LRFN1: variants seen among roughly 807,000 people sequenced by gnomAD.
LRFN1 encodes the protein leucine-rich repeat and fibronectin type III domain-containing protein 1.
LRFN1 carries 20 observed loss-of-function variants against 31.8 expected under a neutral mutation model. The observed-to-expected ratio is 0.63, with a 90% CI of 0.44 to 0.91. The LOEUF (loss-of-function observed/expected upper bound fraction) is 0.91, where lower values mean the gene tolerates loss of function less well. LRFN1 is among the 40% of genes least tolerant of loss of function. The pLI is 0.00. For synonymous variants in LRFN1, 514 were observed against 541.3 expected (o/e 0.95, Z 0.70); for missense variants, 912 against 1,129.8 (o/e 0.81, Z 2.76).
Position 39,315,398 on chromosome 19 carries a change from C to T in LRFN1, c.-37-25G>A, listed in dbSNP as rs1312599724. ...CCTGCCGGGGAAGGAGCCGGTTACC[C>T]AGGCGTGGGACTTGGCCGCCATGGG... On this transcript the variant is annotated intron_variant, in intron 3 of 4. Coordinates refer to ENST00000248668, the MANE Select transcript of LRFN1 (RefSeq NM_020862.2). This position sits in a 1 kb window ranked among gnomAD's most constrained non-coding sequence, Gnocchi z 4.7. 2.9e-6 allele frequency: 4 copies of T among 1,395,844 alleles called. No individual in the cohort carries two copies. Among genetic ancestry groups the T allele is most frequent in the Non-Finnish European group, 2.8e-6 (3 of 1,064,662 alleles). 86.5% of individuals were successfully genotyped at this position (1,395,844 alleles called of 1,614,324 possible). A position where few individuals can be genotyped will look rare whatever the true frequency, so the allele number is the denominator to read the frequency against.
rs1023240655 is a variant in LRFN1 at position 39,320,863 on chromosome 19, C to A, written c.-196G>T. The A allele has an allele frequency of 6.9e-6, 1 of 145,424 alleles. No individual in the cohort carries two copies. The highest frequency in any genetic ancestry group is 1.5e-5 in the Non-Finnish European group (1 of 65,178). 9.0% of individuals were successfully genotyped at this position (145,424 alleles called of 1,614,324 possible). On this transcript the variant is annotated 5_prime_UTR_variant, in exon 1 of 5. Coordinates refer to ENST00000248668, the MANE Select transcript of LRFN1 (RefSeq NM_020862.2). ...CTCCGCGCCATGGTGGGGGGAGGGCCGGGGGAGGGGGCGCGGTGCCGCGGG... is the reference window on the plus strand; with the variant it reads ...CTCCGCGCCATGGTGGGGGGAGGGCAGGGGGAGGGGGCGCGGTGCCGCGGG...
chr19:39,310,620 C>T (rs1421593197), intron 4 of LRFN1, among the ~76,000 whole-genome samples: 1 of 152,176 alleles, frequency 6.6e-6, no homozygotes, highest in East Asian at 1.9e-4. Flanking sequence ...AGGATGCAAC[C>T]TCACAAGCTC....
At position 39,314,949 on chromosome 19, in the gene LRFN1, C is replaced by G. The variant is rs890451981; in HGVS notation, c.388G>C (p.Gly130Arg). The change falls in exon 4 of 5, where the codon GGC becomes CGC. Residue 130 changes from glycine to arginine, a missense_variant. By Grantham distance (125) the Gly-to-Arg change is moderately radical. Around this residue, in one of 2 missense-constraint regions of LRFN1, gnomAD observed 401 missense variants for 572.7 expected, o/e 0.70. Transcript: ENST00000248668. ...TTGCCCAGGCCGCGGAGCTGGTCGCCGCGCACCTCCGCCAGGCGGTTGCTG... is the reference window on the plus strand; with the variant it reads ...TTGCCCAGGCCGCGGAGCTGGTCGCGGCGCACCTCCGCCAGGCGGTTGCTG... The part of the protein sequence containing the change: ...LDSNRLAEVR[G>R]DQLRGLGNLR... 2 of 1,596,590 alleles carry G rather than the reference C, an allele frequency of 1.3e-6. No individual in the cohort carries two copies. The highest frequency in any genetic ancestry group is 8.5e-7 in the Non-Finnish European group (1 of 1,175,186).
rs1433819395 is a variant in LRFN1, at chr19:39,308,452, G to A, written c.1497C>T (p.Asp499=). 2 of 1,609,748 alleles carry A rather than the reference G, an allele frequency of 1.2e-6. No homozygotes were observed. Among genetic ancestry groups the A allele is most frequent in the Non-Finnish European group, 1.7e-6 (2 of 1,179,602 alleles). Reference sequence around the variant, plus strand: ...GCGTTGCCGGCAGCGCTGTGGCCCCGTCGTCGTAGACCGCCAGCACGCACA... The same window carrying A: ...GCGTTGCCGGCAGCGCTGTGGCCCCATCGTCGTAGACCGCCAGCACGCACA... The part of the protein sequence containing the change: ...YDLCVLAVYD[D]GATALPATRV... The change falls in exon 5 of 5, where the codon GAC becomes GAT. Residue 499 remains aspartate (D), a synonymous_variant. Coordinates refer to ENST00000248668, the MANE Select transcript of LRFN1 (RefSeq NM_020862.2). This position sits in a 1 kb window ranked among gnomAD's most constrained non-coding sequence, Gnocchi z 6.2.
At position 39,308,658 on chromosome 19, in the gene LRFN1, G is replaced by C. The variant is rs1782201140; in HGVS notation, c.1407-116C>G. On this transcript the variant is annotated intron_variant, in intron 4 of 4. Transcript: ENST00000248668. This position sits in a 1 kb window ranked among gnomAD's most constrained non-coding sequence, Gnocchi z 6.2. Reference sequence around the variant, plus strand: ...AAACCCTGCTATCGAAGTCTCAGCCGCTACTGAGACAACAGCAGCAATTCA... The same window carrying C: ...AAACCCTGCTATCGAAGTCTCAGCCCCTACTGAGACAACAGCAGCAATTCA... The C allele has an allele frequency of 4.4e-6, 4 of 915,868 alleles. No individual in the cohort carries two copies. The highest frequency in any genetic ancestry group is 6.4e-6 in the Non-Finnish European group (4 of 625,052). 56.7% of individuals were successfully genotyped at this position (915,868 alleles called of 1,614,324 possible). A position where few individuals can be genotyped will look rare whatever the true frequency, so the allele number is the denominator to read the frequency against.
Position 39,315,824 on chromosome 19 carries a change from A to C in LRFN1, c.-38+258T>G, listed in dbSNP as rs2075170596. Among the ~76,000 whole-genome samples the C allele has an allele frequency of 6.6e-6, 1 of 152,180 alleles. No individual in the cohort carries two copies. Among genetic ancestry groups the C allele is most frequent in the Non-Finnish European group, 1.5e-5 (1 of 68,038 alleles). On this transcript the variant is annotated intron_variant, in intron 3 of 4. Transcript: ENST00000248668. This position sits in a 1 kb window ranked among gnomAD's most constrained non-coding sequence, Gnocchi z 4.7. Reference sequence around the variant, plus strand: ...ACAGAGCAAGACTCCATCTTAAAACATAAATAAAAATAAAAATATCTCTAT... The same window carrying C: ...ACAGAGCAAGACTCCATCTTAAAACCTAAATAAAAATAAAAATATCTCTAT...
At chr19:39,320,006 C>A (rs1163359703) in intron 1 of LRFN1, among the ~76,000 whole-genome samples, 3 of 151,936 alleles carry the variant, frequency 2.0e-5, no homozygotes, top group Non-Finnish European at 4.4e-5. Flanking sequence ...TGGGGAAGGG[C>A]CGGGTCTTCG....
intron 4 of LRFN1, among the ~76,000 whole-genome samples, chr19:39,310,718 C>G (rs563289730): frequency 3.4e-4 from 52 of 152,178 alleles, no homozygotes; most frequent in Non-Finnish European, 5.1e-4. Flanking sequence ...AGCTCCACCC[C>G]CTCTGACAGG....
At chr19:39,318,802 A>G (rs2075179478) in intron 1 of LRFN1, among the ~76,000 whole-genome samples, 1 of 152,218 alleles carries the variant, frequency 6.6e-6, no homozygotes, top group African/African-American at 2.4e-5. Context: ...ATGTGTGTCC[A>G]TGTCAGAACC....
In LRFN1 at chr19:39,313,886, C is replaced by G. The variant is rs539617999; in HGVS notation, c.1406+45G>C. On this transcript the variant is annotated intron_variant, in intron 4 of 4. Transcript: ENST00000248668. ...ATGGGCAGGTGGGAGGGAGGGTCCCCCTGGGCTTGGGAGGAGGCCCTGGGA... is the reference window on the plus strand; with the variant it reads ...ATGGGCAGGTGGGAGGGAGGGTCCCGCTGGGCTTGGGAGGAGGCCCTGGGA... 2.5e-5 allele frequency: 39 copies of G among 1,539,020 alleles called. No individual in the cohort carries two copies. The East Asian group carries it at 8.4e-4, about 33-fold the overall frequency.
chr19:39,307,366 C>G lies in LRFN1; in HGVS notation c.*267G>C. 4.9e-6 allele frequency: 2 copies of G among 405,792 alleles called. No individual in the cohort carries two copies. Among genetic ancestry groups the G allele is most frequent in the Non-Finnish European group, 8.7e-6 (2 of 231,158 alleles). The allele number at this position is 405,792 out of a possible 1,614,324, so 25.1% of individuals were successfully genotyped here. Reference sequence around the variant, plus strand: ...AAGGCACCGGCTCCAGCGAGGTCCGCGAGCGCGCGAGGGGAGGGGTAGGAG... The same window carrying G: ...AAGGCACCGGCTCCAGCGAGGTCCGGGAGCGCGCGAGGGGAGGGGTAGGAG... On this transcript the variant is annotated 3_prime_UTR_variant, in exon 5 of 5. Transcript: ENST00000248668. This position sits in a 1 kb window ranked among gnomAD's most constrained non-coding sequence, Gnocchi z 6.7.
At chr19:39,311,332 C>A (rs762666523) in intron 4 of LRFN1, among the ~76,000 whole-genome samples, 2 of 152,064 alleles carry the variant, frequency 1.3e-5, no homozygotes, top group African/African-American at 2.4e-5. Flanking sequence ...GGGTCTGTTG[C>A]CCAGCTGGGG....
Position 39,315,521 on chromosome 19 carries a change from G to C in LRFN1, c.-37-148C>G. 1 of 556,344 alleles carries C rather than the reference G, an allele frequency of 1.8e-6. No individual in the cohort carries two copies. The highest frequency in any genetic ancestry group is 3.1e-6 in the Non-Finnish European group (1 of 322,502). 34.5% of individuals were successfully genotyped at this position (556,344 alleles called of 1,614,324 possible). On this transcript the variant is annotated intron_variant, in intron 3 of 4. Coordinates refer to ENST00000248668, the MANE Select transcript of LRFN1 (RefSeq NM_020862.2). This position sits in a 1 kb window ranked among gnomAD's most constrained non-coding sequence, Gnocchi z 4.7. ...AAGCCACTATCAGCTATTAACAACA[G>C]ATTACAACACTTCCATGCTGGGCAC...
intron 2 of LRFN1, among the ~76,000 whole-genome samples, chr19:39,316,836 G>C (rs1240782091): frequency 6.6e-6 from 1 of 152,164 alleles, no homozygotes; most frequent in African/African-American, 2.4e-5. Flanking sequence ...GTGGGCGGGG[G>C]GTGAAGAGGA....
chr19:39,308,276 C>A lies in LRFN1; in HGVS notation c.1673G>T (p.Arg558Leu), dbSNP rs919389763. The part of the protein sequence containing the change: ...VLVFIVLLMI[R>L]YKVYGDGDSR... ...GTCCCCGTCGCCATACACCTTATAG[C>A]GGATCATGAGCAGAACGATGAAGAC... Residue 558 changes from arginine to leucine, a missense_variant, in exon 5 of 5, where the codon CGC becomes CTC. Transcript: ENST00000248668. The surrounding 1 kb of genome is among the most constrained non-coding windows in gnomAD (Gnocchi z 6.2). The A allele has an allele frequency of 1.2e-6, 2 of 1,613,306 alleles. No individual in the cohort carries two copies. Among genetic ancestry groups the A allele is most frequent in the Non-Finnish European group, 1.7e-6 (2 of 1,179,662 alleles).
chr19:39,307,030 A>T lies in LRFN1; in HGVS notation c.*603T>A, dbSNP rs2075131029. ...AGGGAGGGCCGAGGGACAAGAGACG[A>T]CAGGACAGAGAGAAAGGAGAGGCAA... is the stretch of plus-strand genomic sequence containing the variant. On this transcript the variant is annotated 3_prime_UTR_variant, in exon 5 of 5. Coordinates refer to ENST00000248668, the MANE Select transcript of LRFN1 (RefSeq NM_020862.2). The surrounding 1 kb of genome is among the most constrained non-coding windows in gnomAD (Gnocchi z 6.7). 2 of 334,174 alleles carry T rather than the reference A, an allele frequency of 6.0e-6. No individual in the cohort carries two copies. Among genetic ancestry groups the T allele is most frequent in the Non-Finnish European group, 1.1e-5 (2 of 185,582 alleles). The allele number at this position is 334,174 out of a possible 1,614,324, so 20.7% of individuals were successfully genotyped here. A position where few individuals can be genotyped will look rare whatever the true frequency, so the allele number is the denominator to read the frequency against.
intron 1 of LRFN1, among the ~76,000 whole-genome samples, chr19:39,318,985 C>G (rs2075180058): frequency 6.6e-6 from 1 of 152,212 alleles, no homozygotes; most frequent in Admixed American, 6.5e-5. Flanking sequence ...GGCCTCAAAC[C>G]CACTGAACCC....
At position 39,307,898 on chromosome 19, in the gene LRFN1, G is replaced by A. The variant is rs1293464017; in HGVS notation, c.2051C>T (p.Pro684Leu). 1.9e-6 allele frequency: 3 copies of A among 1,565,424 alleles called. No individual in the cohort carries two copies. Among genetic ancestry groups the A allele is most frequent in the Non-Finnish European group, 2.6e-6 (3 of 1,162,728 alleles). Residue 684 changes from proline (P) to leucine (L), a missense_variant, in exon 5 of 5, where the codon CCC (proline) becomes CTC (leucine). Pro to Leu is a moderately conservative substitution (Grantham distance 98). This residue lies in a region of LRFN1 where 511 missense variants were observed against 557.0 expected (regional missense o/e 0.92). Coordinates refer to ENST00000248668, the MANE Select transcript of LRFN1 (RefSeq NM_020862.2). This position sits in a 1 kb window ranked among gnomAD's most constrained non-coding sequence, Gnocchi z 6.7. ...SGALEPPTSA[P>L]PTLALVPGGA... ...CCCAGGAACTAGAGCTAGAGTAGGGGGCGCCGAGGTTGGTGGCTCCAGGGC... is the reference window on the plus strand; with the variant it reads ...CCCAGGAACTAGAGCTAGAGTAGGGAGCGCCGAGGTTGGTGGCTCCAGGGC...
chr19:39,307,828 G>A lies in LRFN1; in HGVS notation c.2121C>T (p.Asp707=). 1 of 1,495,936 alleles carries A rather than the reference G, an allele frequency of 6.7e-7. No individual in the cohort carries two copies. The highest frequency in any genetic ancestry group is 8.9e-7 in the Non-Finnish European group (1 of 1,128,960). 92.7% of individuals were successfully genotyped at this position (1,495,936 alleles called of 1,614,324 possible). A position where few individuals can be genotyped will look rare whatever the true frequency, so the allele number is the denominator to read the frequency against. The change falls in exon 5 of 5, where the codon GAC becomes GAT. Residue 707 remains aspartate (D), a synonymous_variant. Coordinates refer to ENST00000248668, the MANE Select transcript of LRFN1 (RefSeq NM_020862.2). This position sits in a 1 kb window ranked among gnomAD's most constrained non-coding sequence, Gnocchi z 6.7. ...RPRPQQRYSF[D]GDYGALFQSH... is the part of the protein sequence containing the mutation. ...TCTGGAATAGTGCCCCGTAGTCCCC[G>A]TCGAACGAATAGCGCTGCTGCGGCC...
Sources: allele counts gnomAD v4.1 joint callset (sites outside exome capture counted in the v4.1 genomes callset), GRCh38; gene constraint gnomAD v4.1.1; regional missense constraint gnomAD v4.1.1; non-coding constraint Gnocchi (gnomAD v3.1); transcripts MANE v1.5; gene names NCBI Gene and HGNC (gene_info 2026-07-23, HGNC 2026-07-21).